PDE4B: variants seen among roughly 807,000 people sequenced by gnomAD.
PDE4B encodes the protein 3',5'-cyclic-AMP phosphodiesterase 4B.
In PDE4B, 20 loss-of-function variants were observed where a neutral mutation model predicts 82.2. That is an observed-to-expected ratio of 0.24 (90% CI 0.17 to 0.35). PDE4B has a LOEUF of 0.35. Ranked by LOEUF, PDE4B falls within the 10% of genes least tolerant of loss-of-function variation. The pLI is 1.00. For missense variants in PDE4B, 655 were observed against 907.2 expected, an observed-to-expected ratio of 0.72 and a Z score of 3.57; for synonymous variants, 320 against 318.9, an observed-to-expected ratio of 1.00 and a Z score of -0.04.
At chr1:65,959,978 A>G (rs529856856) in intron 3 of PDE4B, among the ~76,000 whole-genome samples, 94 of 152,192 alleles carry the variant, frequency 6.2e-4, no homozygotes, top group South Asian at 8.3e-4. Flanking sequence ...CCTAAACTGC[A>G]GGGATTACGG....
intron 3 of PDE4B, among the ~76,000 whole-genome samples, chr1:65,932,445 G>A (rs1647890044): frequency 6.6e-6 from 1 of 152,066 alleles, no homozygotes; most frequent in African/African-American, 2.4e-5. Context: ...GAGAGGCCCC[G>A]AGAATCCATG....
intron 8 of PDE4B, among the ~76,000 whole-genome samples, chr1:66,336,906 A>G (rs114633519): frequency 0.038 from 5,855 of 152,290 alleles, 149 homozygotes; most frequent in Non-Finnish European, 0.057. Flanking sequence ...ATAAAGTCAC[A>G]CTATTCTACC....
At chr1:65,983,346 T>C (rs530754385) in intron 3 of PDE4B, among the ~76,000 whole-genome samples, 1 of 151,812 alleles carries the variant, frequency 6.6e-6, no homozygotes, top group African/African-American at 2.4e-5. Context: ...TGTGATGGGG[T>C]GAATGTATTT....
intron 4 of PDE4B, 26 bp from the exon 5 acceptor site, chr1:66,257,621 A>C (rs771737718): frequency 6.2e-5 from 100 of 1,604,826 alleles, no homozygotes; most frequent in Non-Finnish European, 8.5e-5. Flanking sequence ...AAATTTCTAA[A>C]GGTTCTTTTT....
chr1:66,322,566 A>G (rs1171084633), intron 7 of PDE4B, among the ~76,000 whole-genome samples: 2 of 152,198 alleles, frequency 1.3e-5, no homozygotes, highest in African/African-American at 4.8e-5. Context: ...ATAAATGCTC[A>G]TCATCCCTGG....
intron 1 of PDE4B, among the ~76,000 whole-genome samples, chr1:65,888,889 A>G (rs1646821747): frequency 6.6e-6 from 1 of 152,132 alleles, no homozygotes; most frequent in South Asian, 2.1e-4. Flanking sequence ...GAATTACACC[A>G]TCTGCAAAGA....
intron 7 of PDE4B, among the ~76,000 whole-genome samples, chr1:66,278,093 A>T (rs1656023727): frequency 6.6e-6 from 1 of 152,226 alleles, no homozygotes; most frequent in Admixed American, 6.5e-5. Flanking sequence ...TTGACTGTTT[A>T]TACACTAGAC....
chr1:65,992,949 C>T, intron 3 of PDE4B: 2 of 1,613,846 alleles, frequency 1.2e-6, no homozygotes, highest in Non-Finnish European at 1.7e-6. Flanking sequence ...TGCTTCTGAA[C>T]CTGAGGTTTG....
intron 3 of PDE4B, among the ~76,000 whole-genome samples, chr1:66,054,687 G>A (rs2100873891): frequency 6.6e-6 from 1 of 152,102 alleles, no homozygotes; most frequent in Non-Finnish European, 1.5e-5. Flanking sequence ...CTTTCCCATA[G>A]TTCACTCCTG....
chr1:66,029,830 T>C (rs1207298649), intron 3 of PDE4B, among the ~76,000 whole-genome samples: 1 of 152,180 alleles, frequency 6.6e-6, no homozygotes, highest in African/African-American at 2.4e-5. Context: ...AAATTTGAAA[T>C]AACCACTTTC....
chr1:65,967,343 T>G (rs967575163), intron 3 of PDE4B, among the ~76,000 whole-genome samples: 2 of 152,186 alleles, frequency 1.3e-5, no homozygotes, highest in African/African-American at 4.8e-5. Context: ...AGATACCATC[T>G]CACACCAGTT....
intron 2 of PDE4B, among the ~76,000 whole-genome samples, chr1:65,914,380 T>G (rs1488311819): frequency 6.6e-6 from 1 of 152,148 alleles, no homozygotes; most frequent in Admixed American, 6.6e-5. Flanking sequence ...ACACTCCTTT[T>G]CCATTGCCAT....
intron 3 of PDE4B, among the ~76,000 whole-genome samples, chr1:66,051,400 C>T (rs1290778322): frequency 6.6e-6 from 1 of 151,986 alleles, no homozygotes; most frequent in Non-Finnish European, 1.5e-5. Context: ...CAAATTCAAA[C>T]CCTGCTCCAT....
At chr1:66,188,239 A>T (rs984082527) in intron 3 of PDE4B, among the ~76,000 whole-genome samples, 11 of 151,778 alleles carry the variant, frequency 7.2e-5, no homozygotes, top group Non-Finnish European at 1.3e-4. Flanking sequence ...TTTGTTGAGG[A>T]GTGTTTTACT....
intron 3 of PDE4B, among the ~76,000 whole-genome samples, chr1:66,108,865 T>C (rs1645426529): frequency 6.6e-6 from 1 of 152,002 alleles, no homozygotes; most frequent in South Asian, 2.1e-4. Context: ...AAACAAATGA[T>C]TTGATATCAT....
chr1:65,977,102 T>G (rs1295837713), intron 3 of PDE4B, among the ~76,000 whole-genome samples: 1 of 152,232 alleles, frequency 6.6e-6, no homozygotes, highest in Non-Finnish European at 1.5e-5. Context: ...CTAGTTATAA[T>G]TCTCCCTTTT....
intron 3 of PDE4B, among the ~76,000 whole-genome samples, chr1:65,976,763 C>T (rs944548888): frequency 6.6e-5 from 10 of 152,184 alleles, no homozygotes; most frequent in East Asian, 1.9e-4. Context: ...TGTGGTAAGA[C>T]GTGCTTGCTT....
At chr1:66,359,338 T>C (rs1174632292) in intron 9 of PDE4B, among the ~76,000 whole-genome samples, 4 of 152,254 alleles carry the variant, frequency 2.6e-5, no homozygotes, top group Non-Finnish European at 4.4e-5. Context: ...GCCAACTGTT[T>C]GCTCACTGTA....
At chr1:66,350,536 G>A (rs959943772) in intron 8 of PDE4B, among the ~76,000 whole-genome samples, 2 of 151,966 alleles carry the variant, frequency 1.3e-5, no homozygotes, top group African/African-American at 4.8e-5. Flanking sequence ...CCCTCAACAG[G>A]CCTAAATTAG....
Sources: allele counts gnomAD v4.1 joint callset (sites outside exome capture counted in the v4.1 genomes callset), GRCh38; gene constraint gnomAD v4.1.1; transcripts MANE v1.5; gene names NCBI Gene and HGNC (gene_info 2026-07-23, HGNC 2026-07-21).